The following HYPK variants were observed in gnomAD, a reference collection of about 807,000 sequenced individuals.
HYPK encodes the protein huntingtin interacting protein K, also known as huntingtin-interacting protein K.
A neutral mutation model predicts 13.9 loss-of-function variants in HYPK; 9 were observed. The ratio of observed to expected loss-of-function variants is 0.65; its 90% confidence interval spans 0.39 to 1.13. The LOEUF (loss-of-function observed/expected upper bound fraction) is 1.13. Ranked by LOEUF, HYPK falls within the 50% of genes most tolerant of loss-of-function variation. The pLI is 0.01. For synonymous variants in HYPK, 76 were observed against 57.0 expected (o/e 1.33, Z -1.50); for missense variants, 138 against 157.6 (o/e 0.88, Z 0.67).
upstream of HYPK, chr15:43,800,572 G>T: frequency 6.2e-7 from 1 of 1,611,738 alleles, no homozygotes; most frequent in Non-Finnish European, 8.5e-7. Context: ...TGTGTCAGTT[G>T]CCGGAAGTCG....
chr15:43,802,034 G>A lies in HYPK; in HGVS notation c.*228G>A. The stretch of plus-strand genomic sequence containing the variant: ...CCTCATGTGCAGATGCTAGGTGGCA[G>A]GCCAGTCTCATTCATCTGACTAGCT... On this transcript the variant is annotated 3_prime_UTR_variant, in exon 4 of 4. Coordinates refer to ENST00000442995, the MANE Select transcript of HYPK (RefSeq NM_016400.4). 1.8e-6 allele frequency: 1 copy of A among 546,072 alleles called. No individual in the cohort carries two copies. Among genetic ancestry groups the A allele is most frequent in the East Asian group, 3.2e-5 (1 of 31,676 alleles). The allele number at this position is 546,072 out of a possible 1,614,324, so 33.8% of individuals were successfully genotyped here.
At chr15:43,801,223 TC>T (rs757860766) in intron 2 of HYPK, 36 bp downstream of exon 2, 1 of 1,561,250 alleles carries the variant, frequency 6.4e-7, no homozygotes, top group Non-Finnish European at 8.8e-7. Flanking sequence ...TAACAGTTCT[TC>T]CCTCCCCGGT....
rs201378308 is a variant in HYPK, at chr15:43,800,801, G to A, written c.162+17G>A. 2 of 1,593,158 alleles carry A rather than the reference G, an allele frequency of 1.3e-6. No individual in the cohort carries two copies. The highest frequency in any genetic ancestry group is 2.3e-5 in the East Asian group (1 of 44,420). On this transcript the variant is annotated intron_variant, in intron 1 of 3. Transcript: ENST00000442995. Reference sequence around the variant, plus strand: ...CTGGAGACGGTAAGGTTGGCCAAGAGCATGTCGGGGCGGGCTGAGAGCAGA... The same window carrying A: ...CTGGAGACGGTAAGGTTGGCCAAGAACATGTCGGGGCGGGCTGAGAGCAGA...
chr15:43,803,080 G>GT lies in HYPK; in HGVS notation c.*1275dup, dbSNP rs2087336856. On this transcript the variant is annotated 3_prime_UTR_variant, in exon 4 of 4. Coordinates refer to ENST00000442995, the MANE Select transcript of HYPK (RefSeq NM_016400.4). ...TTAGGTACCTGAGGGTTAGAACATG[G>GT]TAAGACTAGAAGATATCAAAGGTTG... is the stretch of plus-strand genomic sequence containing the variant. 1 of 151,896 alleles carries GT rather than the reference G, an allele frequency of 6.6e-6. No homozygotes were observed. Among genetic ancestry groups the GT allele is most frequent in the South Asian group, 2.1e-4 (1 of 4,816 alleles). 9.4% of individuals were successfully genotyped at this position (151,896 alleles called of 1,614,324 possible).
chr15:43,803,440 C>G lies in HYPK; in HGVS notation c.*1634C>G, dbSNP rs2087339775. Among the ~76,000 whole-genome samples, 1 of 151,938 alleles carries G rather than the reference C, an allele frequency of 6.6e-6. No individual in the cohort carries two copies. The highest frequency in any genetic ancestry group is 1.9e-4 in the East Asian group (1 of 5,176). ...TTTTGATTGGTATTCAAATTCTAAGCCATAATACATTCTACATGCCATTTC... is the reference window on the plus strand; with the variant it reads ...TTTTGATTGGTATTCAAATTCTAAGGCATAATACATTCTACATGCCATTTC... On this transcript the variant is annotated 3_prime_UTR_variant, in exon 4 of 4. Coordinates refer to ENST00000442995, the MANE Select transcript of HYPK (RefSeq NM_016400.4).
At position 43,801,866 on chromosome 15, in the gene HYPK, C is replaced by G. The variant is rs533225975; in HGVS notation, c.*60C>G. The G allele has an allele frequency of 4.1e-6, 6 of 1,448,018 alleles. No individual in the cohort carries two copies. The African/African-American group carries it at 4.2e-5, about 10-fold the overall frequency. The allele number at this position is 1,448,018 out of a possible 1,614,324, so 89.7% of individuals were successfully genotyped here. On this transcript the variant is annotated 3_prime_UTR_variant, in exon 4 of 4. Transcript: ENST00000442995. Reference sequence around the variant, plus strand: ...TTATGGCAATAAAATTTTTTTTTGTCTTTTTCAGTTTTATCATCTTGGGTC... The same window carrying G: ...TTATGGCAATAAAATTTTTTTTTGTGTTTTTCAGTTTTATCATCTTGGGTC...
In HYPK at chr15:43,801,555, G is replaced by T. The variant is rs960112233; in HGVS notation, c.256G>T (p.Asp86Tyr). 6.2e-7 allele frequency: 1 copy of T among 1,613,704 alleles called. No homozygotes were observed. ...GGCAAAAGTCACTATCAAGAAGGAA[G>T]ATCTGGAGCTAATAGTGAGTGGTAG... ...ELAKVTIKKE[D>Y]LELIMTEMEI... The change falls in exon 3 of 4, where the codon GAT becomes TAT. Residue 86 changes from aspartate to tyrosine, a missense_variant. By Grantham distance (160) the Asp-to-Tyr change is radical (BLOSUM62 -3). Around this residue, in one of 3 missense-constraint regions of HYPK, gnomAD observed 91 missense variants for 96.8 expected, o/e 0.94. Coordinates refer to ENST00000442995, the MANE Select transcript of HYPK (RefSeq NM_016400.4).
Position 43,801,759 on chromosome 15 carries a change from G to C in HYPK, c.319G>C (p.Glu107Gln). ...SRAAAERSLREHMGNVVEALI... is the reference protein window; with the variant it reads ...SRAAAERSLRQHMGNVVEALI... ...AGCAGCAGCAGAACGCAGTTTGCGG[G>C]AACACATGGGCAACGTGGTAGAGGC... Residue 107 changes from glutamate (E) to glutamine (Q), a missense_variant, in exon 4 of 4, where the codon GAA becomes CAA. By Grantham distance (29) the Glu-to-Gln change is conservative (BLOSUM62 2). Coordinates refer to ENST00000442995, the MANE Select transcript of HYPK (RefSeq NM_016400.4). 2 of 1,614,230 alleles carry C rather than the reference G, an allele frequency of 1.2e-6. No homozygotes were observed. The highest frequency in any genetic ancestry group is 1.7e-6 in the Non-Finnish European group (2 of 1,180,048).
chr15:43,801,223 T>A (rs1028240744), intron 2 of HYPK, 36 bp downstream of exon 2: 8 of 1,561,248 alleles, frequency 5.1e-6, no homozygotes, highest in Non-Finnish European at 7.1e-6. Flanking sequence ...TAACAGTTCT[T>A]CCCTCCCCGG....
intron 1 of HYPK, 105 bp from the exon 2 acceptor site, chr15:43,801,027 C>T: frequency 5.8e-6 from 6 of 1,039,386 alleles, no homozygotes; most frequent in South Asian, 1.3e-5. Context: ...TACCTGGTAA[C>T]ACTTGTCATC....
chr15:43,801,519 G>T lies in HYPK; in HGVS notation c.220G>T (p.Glu74Ter). Residue 74 changes from glutamate (E) to a stop codon, truncating the protein, a stop_gained and splice_region_variant, in exon 3 of 4, where the codon GAG (glutamate) becomes TAG (stop). Transcript: ENST00000442995. LOFTEE classifies it high-confidence loss of function. ...SREQKAKQER[E>*]KELAKVTIKK... ...TAATATATTTAAATATTTTTGCAGGGAGAAAGAACTGGCAAAAGTCACTAT... is the reference window on the plus strand; with the variant it reads ...TAATATATTTAAATATTTTTGCAGGTAGAAAGAACTGGCAAAAGTCACTAT... 1 of 1,612,930 alleles carries T rather than the reference G, an allele frequency of 6.2e-7. No homozygotes were observed. Among genetic ancestry groups the T allele is most frequent in the Non-Finnish European group, 8.5e-7 (1 of 1,178,930 alleles).
Position 43,801,824 on chromosome 15 carries a change from A to G in HYPK, c.*18A>G, listed in dbSNP as rs772008205. Reference sequence around the variant, plus strand: ...CCAACTGATGCGTGCTTTCTCAAATATACCTACTGGATTAATTTATGGCAA... The same window carrying G: ...CCAACTGATGCGTGCTTTCTCAAATGTACCTACTGGATTAATTTATGGCAA... On this transcript the variant is annotated 3_prime_UTR_variant, in exon 4 of 4. Transcript: ENST00000442995. The G allele has an allele frequency of 1.0e-5, 16 of 1,607,092 alleles. No homozygotes were observed. The South Asian group carries it at 1.8e-4, about 18-fold the overall frequency.
In HYPK at chr15:43,801,803, C is replaced by T; in HGVS notation, c.363C>T (p.Asn121=). ...TAGAGGCGCTTATTGCCCTAACCAA[C>T]TGATGCGTGCTTTCTCAAATATACC... ...NVVEALIALT[N] is the part of the protein sequence containing the mutation. Residue 121 remains asparagine (N), a synonymous_variant, in exon 4 of 4, where the codon AAC becomes AAT. Coordinates refer to ENST00000442995, the MANE Select transcript of HYPK (RefSeq NM_016400.4). 6.2e-7 allele frequency: 1 copy of T among 1,613,878 alleles called. No individual in the cohort carries two copies. The highest frequency in any genetic ancestry group is 1.7e-5 in the Admixed American group (1 of 60,026).
rs1429069954 is a variant in HYPK at position 43,802,677 on chromosome 15, G to C, written c.*871G>C. On this transcript the variant is annotated 3_prime_UTR_variant, in exon 4 of 4. Transcript: ENST00000442995. ...TCATGAGGTCAGGAGTTGAAGACAA[G>C]CCTGGCCAACATGGTGAAACCCTGT... 7.3e-5 allele frequency: 11 copies of C among 150,092 alleles called. No individual in the cohort carries two copies. In the Admixed American group the frequency reaches 7.4e-4, roughly 10 times the overall value. The allele number at this position is 150,092 out of a possible 1,614,324, so 9.3% of individuals were successfully genotyped here.
In HYPK at chr15:43,800,883, G is replaced by A. The variant is rs944777195; in HGVS notation, c.162+99G>A. On this transcript the variant is annotated intron_variant, in intron 1 of 3. Transcript: ENST00000442995. Reference sequence around the variant, plus strand: ...CGCTCCAAGACGGGGTTCTGATCCCGTTGGCAGGAGGAGGCAATAGGGTAG... The same window carrying A: ...CGCTCCAAGACGGGGTTCTGATCCCATTGGCAGGAGGAGGCAATAGGGTAG... 4.1e-6 allele frequency: 5 copies of A among 1,215,394 alleles called. No individual in the cohort carries two copies. In the African/African-American group the frequency reaches 4.5e-5, roughly 11 times the overall value. 75.3% of individuals were successfully genotyped at this position (1,215,394 alleles called of 1,614,324 possible).
chr15:43,801,044 C>A, intron 1 of HYPK, 88 bp from the exon 2 acceptor site: 1 of 1,153,928 alleles, frequency 8.7e-7, no homozygotes. Flanking sequence ...CATCGTGAAT[C>A]CATGCATGAA....
chr15:43,800,444 T>C (rs928236429), upstream of HYPK: 2 of 840,656 alleles, frequency 2.4e-6, no homozygotes, highest in African/African-American at 1.7e-5. Flanking sequence ...CACAAAACAC[T>C]GTACAAACCC....
At position 43,801,137 on chromosome 15, in the gene HYPK, G is replaced by A. The variant is rs779502351; in HGVS notation, c.168G>A (p.Met56Ile). ...EIQSSNLETA[M>I]SVIGDRRSRE... ...TAGACCTGCCTTTCCCATAGGCCATGTCTGTGATTGGAGACAGAAGGTCCC... is the reference window on the plus strand; with the variant it reads ...TAGACCTGCCTTTCCCATAGGCCATATCTGTGATTGGAGACAGAAGGTCCC... Residue 56 changes from methionine to isoleucine, a missense_variant, in exon 2 of 4, where the codon ATG becomes ATA. Physicochemically the swap from Met to Ile is conservative, Grantham distance 10. Coordinates refer to ENST00000442995, the MANE Select transcript of HYPK (RefSeq NM_016400.4). 6.2e-7 allele frequency: 1 copy of A among 1,613,918 alleles called. No homozygotes were observed. The highest frequency in any genetic ancestry group is 1.1e-5 in the South Asian group (1 of 91,082).
In HYPK at chr15:43,800,677, G is replaced by T; in HGVS notation, c.55G>T (p.Glu19Ter). Residue 19 changes from glutamate to a stop codon, truncating the protein, a stop_gained, in exon 1 of 4, where the codon GAG becomes TAG. Coordinates refer to ENST00000442995, the MANE Select transcript of HYPK (RefSeq NM_016400.4). LOFTEE classifies it high-confidence loss of function. ...GTTGGAGACTGAGACCAGTGGACCAGAGCGGCCTCCGGAGAAGCCACGGAA... is the reference window on the plus strand; with the variant it reads ...GTTGGAGACTGAGACCAGTGGACCATAGCGGCCTCCGGAGAAGCCACGGAA... ...LELETETSGPERPPEKPRKHD... is the reference protein window; with the variant it reads ...LELETETSGP 1.9e-6 allele frequency: 3 copies of T among 1,614,146 alleles called. No individual in the cohort carries two copies. The highest frequency in any genetic ancestry group is 2.5e-6 in the Non-Finnish European group (3 of 1,180,020).
Sources: gnomAD v4.1 joint callset for allele counts (sites outside exome capture counted in the v4.1 genomes callset) on GRCh38, gnomAD v4.1.1 for gene constraint, gnomAD v4.1.1 regional missense constraint, MANE v1.5 for transcripts, NCBI Gene and HGNC (gene_info 2026-07-23, HGNC 2026-07-21) for gene names.